Variants in PRDM6 observed in about 807,000 individuals in gnomAD.
PRDM6 encodes PR/SET domain 6.
PRDM6 carries 25 observed loss-of-function variants against 60.8 expected under a neutral mutation model. The observed-to-expected ratio is 0.41, with a 90% confidence interval of 0.30 to 0.57. The LOEUF is 0.57. PRDM6 is among the 20% of genes least tolerant of loss of function. The pLI is 0.27. For synonymous variants in PRDM6, 407 were observed against 357.4 expected, an observed-to-expected ratio of 1.14 and a Z score of -1.57; for missense variants, 839 against 821.3, an observed-to-expected ratio of 1.02 and a Z score of -0.26.
chr5:123,107,692 A>G lies in PRDM6; in HGVS notation c.900+7731A>G, dbSNP rs532250522. On this transcript the variant is annotated intron_variant, in intron 3 of 7. Transcript: ENST00000407847. Reference sequence around the variant, plus strand: ...TAATAACACTTTAGAAAATTGTTTAACACAGTGTTGGGAATACAAACAATT... The same window carrying G: ...TAATAACACTTTAGAAAATTGTTTAGCACAGTGTTGGGAATACAAACAATT... Among the ~76,000 whole-genome samples the G allele has an allele frequency of 3.3e-5, 5 of 152,370 alleles. No individual in the cohort carries two copies. In the South Asian group the frequency reaches 1.0e-3, roughly 32 times the overall value.
In PRDM6 at chr5:123,152,573, G is replaced by T. The variant is rs1407599657; in HGVS notation, c.901-3311G>T. ...CACAATTCCTATCATTTGGAAGATG[G>T]TATTATGCTTATGTTAAAACGAGCT... On this transcript the variant is annotated intron_variant, in intron 3 of 7. Transcript: ENST00000407847. Among the ~76,000 whole-genome samples, 3 of 152,146 alleles carry T rather than the reference G, an allele frequency of 2.0e-5. No individual in the cohort carries two copies. The East Asian group carries it at 5.8e-4, about 29-fold the overall frequency.
intron 3 of PRDM6, among the ~76,000 whole-genome samples, chr5:123,122,228 T>A (rs1674683388): frequency 6.9e-6 from 1 of 145,630 alleles, no homozygotes; most frequent in African/African-American, 2.5e-5. Context: ...ATCAGAATCA[T>A]CAGGGGTGTA....
At chr5:123,114,809 A>G (rs1580489175) in intron 3 of PRDM6, among the ~76,000 whole-genome samples, 1 of 152,200 alleles carries the variant, frequency 6.6e-6, no homozygotes, top group East Asian at 1.9e-4. Flanking sequence ...AGACTGTGGG[A>G]AAGACTTCAT....
chr5:123,097,930 A>G (rs1204809135), intron 2 of PRDM6, among the ~76,000 whole-genome samples: 1 of 152,090 alleles, frequency 6.6e-6, no homozygotes, highest in Non-Finnish European at 1.5e-5. Context: ...CTCTCTTGGG[A>G]GGAGTAGAGG....
chr5:123,118,988 T>C (rs1170372205), intron 3 of PRDM6, among the ~76,000 whole-genome samples: 3 of 152,130 alleles, frequency 2.0e-5, no homozygotes, highest in African/African-American at 4.8e-5. Flanking sequence ...CAAATGGCAC[T>C]GAGTTGTGTT....
chr5:123,186,762 C>T (rs923558337), intron 7 of PRDM6, among the ~76,000 whole-genome samples: 4 of 152,232 alleles, frequency 2.6e-5, no homozygotes, highest in Admixed American at 6.5e-5. Context: ...TGCAGGCAAG[C>T]TGCTTCTTTG....
intron 1 of PRDM6, among the ~76,000 whole-genome samples, 152 bp from the exon 2 acceptor site, chr5:123,089,848 G>T (rs1561790525): frequency 6.6e-6 from 1 of 152,040 alleles, no homozygotes; most frequent in African/African-American, 2.4e-5. Context: ...TAAACTTTGC[G>T]CCCAAGCGGA....
intron 4 of PRDM6, 126 bp from the exon 5 acceptor site, chr5:123,159,388 A>C: frequency 9.3e-7 from 1 of 1,073,090 alleles, no homozygotes; most frequent in Non-Finnish European, 1.3e-6. Flanking sequence ...AGTTGGATGT[A>C]AATTTATTAC....
At position 123,189,968 on chromosome 5, in the gene PRDM6, C is replaced by A. The variant is rs1383026866; in HGVS notation, c.*2767C>A. Reference sequence around the variant, plus strand: ...TTTCTATTTAAAGTGGACACACAGTCCCCTGGGATACAGCAAATGGGTGGT... The same window carrying A: ...TTTCTATTTAAAGTGGACACACAGTACCCTGGGATACAGCAAATGGGTGGT... On this transcript the variant is annotated 3_prime_UTR_variant, in exon 8 of 8. Transcript: ENST00000407847. The A allele has an allele frequency of 6.6e-6, 1 of 152,166 alleles. No individual in the cohort carries two copies. Among genetic ancestry groups the A allele is most frequent in the African/African-American group, 2.4e-5 (1 of 41,430 alleles). 9.4% of individuals were successfully genotyped at this position (152,166 alleles called of 1,614,324 possible).
chr5:123,180,375 G>A (rs1159591071), intron 7 of PRDM6, 52 bp downstream of exon 7: 4 of 1,495,082 alleles, frequency 2.7e-6, no homozygotes, highest in Non-Finnish European at 3.6e-6. Flanking sequence ...TTTCCCAAGA[G>A]CCAGCTGATG....
chr5:123,160,625 C>A (rs1037956887), intron 5 of PRDM6, among the ~76,000 whole-genome samples: 1 of 152,196 alleles, frequency 6.6e-6, no homozygotes, highest in Non-Finnish European at 1.5e-5. Flanking sequence ...CATATTATGA[C>A]TGATCAAAAT....
At chr5:123,109,568 G>A (rs1245247547) in intron 3 of PRDM6, among the ~76,000 whole-genome samples, 1 of 152,108 alleles carries the variant, frequency 6.6e-6, no homozygotes, top group Admixed American at 6.5e-5. Context: ...ATATTTCAGT[G>A]TAAATTTACT....
At position 123,193,951 on chromosome 5, in the gene PRDM6, G is replaced by C. The variant is rs1233533115; in HGVS notation, c.*6750G>C. On this transcript the variant is annotated 3_prime_UTR_variant, in exon 8 of 8. Coordinates refer to ENST00000407847, the MANE Select transcript of PRDM6 (RefSeq NM_001136239.4). The stretch of plus-strand genomic sequence containing the variant: ...TGGAAAGCTTAAACAAGTCAGTTAA[G>C]AGAATGAGAAGAATCTCACTGTGGG... The C allele has an allele frequency of 6.6e-6, 1 of 152,186 alleles. No homozygotes were observed. The highest frequency in any genetic ancestry group is 1.5e-5 in the Non-Finnish European group (1 of 68,036). The allele number at this position is 152,186 out of a possible 1,614,324, so 9.4% of individuals were successfully genotyped here. A position where few individuals can be genotyped will look rare whatever the true frequency, so the allele number is the denominator to read the frequency against.
intron 5 of PRDM6, among the ~76,000 whole-genome samples, chr5:123,162,967 C>T (rs1182338486): frequency 6.6e-6 from 1 of 152,212 alleles, no homozygotes; most frequent in Non-Finnish European, 1.5e-5. Flanking sequence ...TAACAGATAG[C>T]CTTCCACAGC....
chr5:123,096,315 CA>C (rs1288551662), intron 2 of PRDM6, among the ~76,000 whole-genome samples: 1 of 151,822 alleles, frequency 6.6e-6, no homozygotes, highest in Non-Finnish European at 1.5e-5. Flanking sequence ...TACATTTATA[CA>C]TAGTTTGGTC....
chr5:123,134,339 G>T (rs1376404153), intron 3 of PRDM6, among the ~76,000 whole-genome samples: 1 of 152,078 alleles, frequency 6.6e-6, no homozygotes, highest in African/African-American at 2.4e-5. Flanking sequence ...GGTCTGTTAA[G>T]TTTTTCAGTA....
rs143563502 is a variant in PRDM6 at position 123,179,779 on chromosome 5, C to T, written c.1497-368C>T. On this transcript the variant is annotated intron_variant, in intron 6 of 7. Transcript: ENST00000407847. The stretch of plus-strand genomic sequence containing the variant: ...TAAAAAGATGAAAGTGCTATGGAAG[C>T]ACAAGAGACAATTATATATTTTCTC... 4.0e-3 allele frequency among the ~76,000 whole-genome samples: 602 copies of T among 152,240 alleles called. 4 individuals carry two copies. Among genetic ancestry groups the T allele is most frequent in the African/African-American group, 0.014 (584 of 41,520 alleles).
intron 3 of PRDM6, among the ~76,000 whole-genome samples, chr5:123,105,663 A>C (rs1424855323): frequency 6.6e-6 from 1 of 152,246 alleles, no homozygotes. Flanking sequence ...TATATGTAGA[A>C]CAACTATGAG....
chr5:123,111,707 C>CA (rs70988559), intron 3 of PRDM6, among the ~76,000 whole-genome samples: 5,389 of 103,836 alleles, frequency 0.052, 138 homozygotes, highest in Non-Finnish European at 0.077. Flanking sequence ...CAAAACAAAA[C>CA]AAAAAAAAAA....
Sources: gnomAD v4.1 joint callset for allele counts (sites outside exome capture counted in the v4.1 genomes callset) on GRCh38, gnomAD v4.1.1 for gene constraint, MANE v1.5 for transcripts, NCBI Gene and HGNC (gene_info 2026-07-23, HGNC 2026-07-21) for gene names.